FABP12: variants seen among roughly 807,000 people sequenced by gnomAD.
FABP12 encodes the protein fatty acid binding protein 12.
A neutral mutation model predicts 13.7 loss-of-function variants in FABP12; 19 were observed. That is an observed-to-expected ratio of 1.39 (90% CI 0.97 to 2.04). FABP12 has a LOEUF of 2.04. Ranked by LOEUF, FABP12 falls within the 30% of genes most tolerant of loss-of-function variation. The pLI is 0.00. For missense variants in FABP12, 182 were observed against 164.2 expected (o/e 1.11, Z -0.59); for synonymous variants, 61 against 57.0 (o/e 1.07, Z -0.32).
At chr8:81,580,174 C>T (rs927061462) in intron 1 of FABP12, among the ~76,000 whole-genome samples, 4 of 152,172 alleles carry the variant, frequency 2.6e-5, no homozygotes, top group Admixed American at 2.6e-4. Context: ...ACCTTTTAAA[C>T]ATATCTTTCC....
intron 4 of FABP12, 24 bp from the exon 5 acceptor site, chr8:81,525,144 G>A (rs1387999662): frequency 7.2e-7 from 1 of 1,390,164 alleles, no homozygotes; most frequent in South Asian, 1.2e-5. Context: ...GAAATATGAG[G>A]TATTTCAGTA....
At chr8:81,525,188 A>G in intron 4 of FABP12, 68 bp from the exon 5 acceptor site, 1 of 1,012,536 alleles carries the variant, frequency 9.9e-7, no homozygotes, top group Admixed American at 2.1e-5. Context: ...AAAAGTGCAA[A>G]CTAAGTACTA....
At chr8:81,587,590 G>A (rs1810259455) in intron 1 of FABP12, among the ~76,000 whole-genome samples, 1 of 151,954 alleles carries the variant, frequency 6.6e-6, no homozygotes, top group Non-Finnish European at 1.5e-5. Flanking sequence ...TTCTATACAC[G>A]AGTAATGCCC....
chr8:81,577,311 C>T (rs1006801395), intron 1 of FABP12, among the ~76,000 whole-genome samples: 6 of 151,952 alleles, frequency 3.9e-5, no homozygotes, highest in Admixed American at 2.6e-4. Flanking sequence ...GATATGAAAG[C>T]AAAAAGATAT....
intron 1 of FABP12, among the ~76,000 whole-genome samples, chr8:81,570,894 C>A (rs1280173214): frequency 6.6e-6 from 1 of 152,130 alleles, no homozygotes; most frequent in South Asian, 2.1e-4. Context: ...GAAGCCCAGC[C>A]CCCAGCCTTC....
chr8:81,573,728 T>A (rs1258536350), intron 1 of FABP12, among the ~76,000 whole-genome samples: 1 of 152,122 alleles, frequency 6.6e-6, no homozygotes, highest in Non-Finnish European at 1.5e-5. Flanking sequence ...GTAAAAGGGG[T>A]TGACTTCTTG....
chr8:81,565,062 A>G (rs1585852919), intron 1 of FABP12, among the ~76,000 whole-genome samples: 2 of 152,072 alleles, frequency 1.3e-5, no homozygotes, highest in African/African-American at 4.8e-5. Context: ...AATAGATTTC[A>G]AGAAAAAAAA....
intron 2 of FABP12, among the ~76,000 whole-genome samples, chr8:81,530,717 G>A (rs1385578335): frequency 1.3e-5 from 2 of 152,138 alleles, no homozygotes; most frequent in African/African-American, 4.8e-5. Flanking sequence ...ATCTTGAGAT[G>A]GGGAGAGTAT....
At chr8:81,563,832 A>G (rs555387350) in intron 1 of FABP12, among the ~76,000 whole-genome samples, 2 of 152,192 alleles carry the variant, frequency 1.3e-5, no homozygotes, top group Non-Finnish European at 2.9e-5. Context: ...TATTGGCCTT[A>G]AAGAGTAGAG....
chr8:81,536,825 A>G (rs947091029), upstream of FABP12, among the ~76,000 whole-genome samples: 3 of 152,202 alleles, frequency 2.0e-5, no homozygotes, highest in African/African-American at 4.8e-5. Context: ...TTAGAACACA[A>G]CCACACTTAT....
chr8:81,540,846 T>C (rs1047134441), intron 1 of FABP12, among the ~76,000 whole-genome samples: 2 of 152,188 alleles, frequency 1.3e-5, no homozygotes, highest in African/African-American at 4.8e-5. Flanking sequence ...GCAACTTCTC[T>C]GTAAACCAAA....
intron 1 of FABP12, among the ~76,000 whole-genome samples, chr8:81,587,955 C>G (rs756641203): frequency 6.6e-6 from 1 of 152,084 alleles, no homozygotes; most frequent in Non-Finnish European, 1.5e-5. Flanking sequence ...TCCAAGAGTC[C>G]AAGAGCTGAA....
chr8:81,552,227 C>T (rs1159315752), intron 1 of FABP12, among the ~76,000 whole-genome samples: 1 of 152,130 alleles, frequency 6.6e-6, no homozygotes, highest in Non-Finnish European at 1.5e-5. Context: ...TGGGGAAGAA[C>T]ATTCCAAGCG....
chr8:81,534,956 T>G (rs1431567722), upstream of FABP12, among the ~76,000 whole-genome samples: 2 of 150,712 alleles, frequency 1.3e-5, no homozygotes, highest in Non-Finnish European at 3.0e-5. Context: ...AAAAAAAAAA[T>G]GTAAACATGT....
intron 1 of FABP12, among the ~76,000 whole-genome samples, chr8:81,550,644 A>T: frequency 6.6e-6 from 1 of 152,120 alleles, no homozygotes; most frequent in Non-Finnish European, 1.5e-5. Context: ...TAAGGAAGGA[A>T]TTTTTTAAAA....
At chr8:81,567,985 C>T (rs2130063723) in intron 1 of FABP12, among the ~76,000 whole-genome samples, 1 of 152,110 alleles carries the variant, frequency 6.6e-6, no homozygotes, top group African/African-American at 2.4e-5. Flanking sequence ...TAGCCGGGCG[C>T]GGTGGCGGGC....
Position 81,588,931 on chromosome 8 carries a change from C to A in FABP12, c.-185+1122G>T, listed in dbSNP as rs150947289. On this transcript the variant is annotated intron_variant, in intron 1 of 5. Transcript: ENST00000692030. ...CAAACTTAGAAGTGAATCACGGGAGCTTTAAAGGCTTGAACCCACTTCAAT... is the reference window on the plus strand; with the variant it reads ...CAAACTTAGAAGTGAATCACGGGAGATTTAAAGGCTTGAACCCACTTCAAT... Among the ~76,000 whole-genome samples, 225 of 152,238 alleles carry A rather than the reference C, an allele frequency of 1.5e-3. 2 individuals carry two copies. Among genetic ancestry groups the A allele is most frequent in the African/African-American group, 5.2e-3 (217 of 41,544 alleles).
chr8:81,583,052 C>T (rs1249811317), intron 1 of FABP12, among the ~76,000 whole-genome samples: 1 of 151,996 alleles, frequency 6.6e-6, no homozygotes, highest in Non-Finnish European at 1.5e-5. Flanking sequence ...AAAAGAGAAA[C>T]ATTGAAACTA....
chr8:81,538,650 C>T (rs1435659785), upstream of FABP12, among the ~76,000 whole-genome samples: 1 of 152,064 alleles, frequency 6.6e-6, no homozygotes, highest in Non-Finnish European at 1.5e-5. Flanking sequence ...AGATTCTCCC[C>T]CAGAGCCTTC....
Sources: gnomAD v4.1 joint callset for allele counts (sites outside exome capture counted in the v4.1 genomes callset) on GRCh38, gnomAD v4.1.1 for gene constraint, MANE v1.5 for transcripts, NCBI Gene and HGNC (gene_info 2026-07-23, HGNC 2026-07-21) for gene names.